LYRM7: variants seen among roughly 807,000 people sequenced by gnomAD.
The protein encoded by LYRM7 is complex III assembly factor LYRM7.
In LYRM7, 9 loss-of-function variants were observed where a neutral mutation model predicts 15.8. The ratio of observed to expected loss-of-function variants is 0.57; its 90% CI spans 0.34 to 0.99. The LOEUF (loss-of-function observed/expected upper bound fraction) is 0.99. Ranked by LOEUF, LYRM7 falls within the 50% of genes least tolerant of loss-of-function variation. The probability of loss-of-function intolerance (pLI) is 0.02; values close to 1 mark genes in which losing one functional copy is unlikely to be tolerated. For synonymous variants in LYRM7, 39 were observed against 39.4 expected (o/e 0.99, Z 0.04); for missense variants, 115 against 119.1 (o/e 0.97, Z 0.16).
In LYRM7 at chr5:131,171,082, G is replaced by A. The variant is rs530122051; in HGVS notation, c.18+44G>A. ...GGGTGGGTACGATGCCGTCGGGGAG[G>A]GTATGTTCGCGTCCTTGAGAAAACT... On this transcript the variant is annotated intron_variant, in intron 1 of 4. Coordinates refer to ENST00000379380, the MANE Select transcript of LYRM7 (RefSeq NM_181705.4). 3.2e-5 allele frequency: 48 copies of A among 1,493,036 alleles called. No homozygotes were observed. In the South Asian group the frequency reaches 6.1e-4, roughly 19 times the overall value. 92.5% of individuals were successfully genotyped at this position (1,493,036 alleles called of 1,614,324 possible).
In LYRM7 at chr5:131,204,332, T is replaced by C. The variant is rs950090759; in HGVS notation, c.*4731T>C. The C allele has an allele frequency of 6.6e-6, 1 of 152,142 alleles. No individual in the cohort carries two copies. The highest frequency in any genetic ancestry group is 2.4e-5 in the African/African-American group (1 of 41,438). 9.4% of individuals were successfully genotyped at this position (152,142 alleles called of 1,614,324 possible). A position where few individuals can be genotyped will look rare whatever the true frequency, so the allele number is the denominator to read the frequency against. Reference sequence around the variant, plus strand: ...ACTAATAAATGTGTACTCAGGTATATGTACAGAAATTGCTGTAACATTATA... The same window carrying C: ...ACTAATAAATGTGTACTCAGGTATACGTACAGAAATTGCTGTAACATTATA... On this transcript the variant is annotated 3_prime_UTR_variant, in exon 5 of 5. Coordinates refer to ENST00000379380, the MANE Select transcript of LYRM7 (RefSeq NM_181705.4).
intron 2 of LYRM7, among the ~76,000 whole-genome samples, chr5:131,181,355 ATATATT>A (rs1284451014): frequency 0.088 from 3,961 of 45,222 alleles, 556 homozygotes; most frequent in African/African-American, 0.31. Context: ...TATGTTATAT[ATATATT>A]AACATATATA....
At chr5:131,175,405 G>A (rs1192110548) in intron 1 of LYRM7, among the ~76,000 whole-genome samples, 2 of 151,770 alleles carry the variant, frequency 1.3e-5, no homozygotes, top group South Asian at 4.2e-4. Flanking sequence ...CTCCATGTTG[G>A]TCAGGCTGGT....
chr5:131,200,172 CA>C lies in LYRM7; in HGVS notation c.*572del, dbSNP rs1756037764. On this transcript the variant is annotated 3_prime_UTR_variant, in exon 5 of 5. Transcript: ENST00000379380. ...GAGTATCTCTGTGTTCTTATGAAGA[CA>C]TTTTTTATCAGTTTTCTGAAAATAG... The C allele has an allele frequency of 6.6e-6, 1 of 152,214 alleles. No individual in the cohort carries two copies. Among genetic ancestry groups the C allele is most frequent in the Non-Finnish European group, 1.5e-5 (1 of 67,984 alleles). 9.4% of individuals were successfully genotyped at this position (152,214 alleles called of 1,614,324 possible).
intron 1 of LYRM7, 24 bp from the exon 2 acceptor site, chr5:131,180,071 C>G (rs765193654): frequency 6.4e-7 from 1 of 1,567,302 alleles, no homozygotes; most frequent in South Asian, 1.1e-5. Context: ...TGTGCCCAAC[C>G]TTGAATTCTG....
At chr5:131,181,528 G>T (rs2149661635) in intron 2 of LYRM7, among the ~76,000 whole-genome samples, 1 of 141,402 alleles carries the variant, frequency 7.1e-6, no homozygotes, top group South Asian at 2.1e-4. Context: ...AGTTTTTATG[G>T]TAATTATCAA....
chr5:131,199,535 G>A lies in LYRM7; in HGVS notation c.249G>A (p.Leu83=). 1 of 1,585,054 alleles carries A rather than the reference G, an allele frequency of 6.3e-7. No homozygotes were observed. The highest frequency in any genetic ancestry group is 2.3e-5 in the East Asian group (1 of 44,032). Residue 83 remains leucine (L), a synonymous_variant, in exon 5 of 5, where the codon CTG becomes CTA. Coordinates refer to ENST00000379380, the MANE Select transcript of LYRM7 (RefSeq NM_181705.4). ...GIHTDHNTLK[L]VPRKDLLVEN... Reference sequence around the variant, plus strand: ...TCTTTTTTTTTTTTCTTTCAGAACTGGTCCCTAGGAAAGACCTTCTTGTAG... The same window carrying A: ...TCTTTTTTTTTTTTCTTTCAGAACTAGTCCCTAGGAAAGACCTTCTTGTAG...
intron 1 of LYRM7, among the ~76,000 whole-genome samples, chr5:131,173,572 C>T (rs776779389): frequency 6.6e-6 from 1 of 152,058 alleles, no homozygotes; most frequent in Non-Finnish European, 1.5e-5. Flanking sequence ...AGTGAAACCC[C>T]GTCTCTACTA....
Position 131,205,293 on chromosome 5 carries a change from C to T in LYRM7, c.*5692C>T, listed in dbSNP as rs982998563. On this transcript the variant is annotated 3_prime_UTR_variant, in exon 5 of 5. Coordinates refer to ENST00000379380, the MANE Select transcript of LYRM7 (RefSeq NM_181705.4). ...GTGATTTTAAAATGTAAATGAATGG[C>T]GTTATGCTCCATGTATTCTGCAACT... 3 of 152,104 alleles carry T rather than the reference C, an allele frequency of 2.0e-5. No homozygotes were observed. The highest frequency in any genetic ancestry group is 6.6e-5 in the Admixed American group (1 of 15,252). 9.4% of individuals were successfully genotyped at this position (152,104 alleles called of 1,614,324 possible).
At chr5:131,197,367 G>A (rs1755982334) in intron 4 of LYRM7, among the ~76,000 whole-genome samples, 1 of 152,130 alleles carries the variant, frequency 6.6e-6, no homozygotes, top group African/African-American at 2.4e-5. Context: ...GTAAAAGCAA[G>A]TGAGATATAA....
intron 1 of LYRM7, among the ~76,000 whole-genome samples, chr5:131,177,174 G>C (rs144249185): frequency 1.3e-3 from 200 of 151,836 alleles, no homozygotes; most frequent in African/African-American, 4.7e-3. Context: ...CAAATTCTAG[G>C]CAAAACCAGT....
chr5:131,188,322 A>T (rs1755830352), intron 4 of LYRM7, among the ~76,000 whole-genome samples: 1 of 152,138 alleles, frequency 6.6e-6, no homozygotes, highest in African/African-American at 2.4e-5. Flanking sequence ...ATACAAACAA[A>T]AAAGTACTCA....
intron 4 of LYRM7, among the ~76,000 whole-genome samples, chr5:131,188,248 C>G (rs1755828712): frequency 6.6e-6 from 1 of 151,788 alleles, no homozygotes; most frequent in Admixed American, 6.6e-5. Flanking sequence ...CAGAGTAAGA[C>G]CCTGCCTCAA....
chr5:131,179,903 T>A (rs1755663638), intron 1 of LYRM7, among the ~76,000 whole-genome samples, 192 bp from the exon 2 acceptor site: 2 of 151,992 alleles, frequency 1.3e-5, no homozygotes, highest in African/African-American at 2.4e-5. Context: ...ACCACTGCAC[T>A]CCAGCCTGGG....
intron 4 of LYRM7, among the ~76,000 whole-genome samples, chr5:131,197,611 T>C (rs1338117752): frequency 6.7e-6 from 1 of 149,672 alleles, no homozygotes; most frequent in Non-Finnish European, 1.5e-5. Context: ...GCATAATTAT[T>C]GCTCACTGTA....
At chr5:131,191,321 A>C (rs985029121) in intron 4 of LYRM7, among the ~76,000 whole-genome samples, 2 of 152,162 alleles carry the variant, frequency 1.3e-5, no homozygotes, top group African/African-American at 4.8e-5. Flanking sequence ...AATGACAAGA[A>C]TAAAAATTCT....
At chr5:131,181,302 A>AAAAT (rs1554089865) in intron 2 of LYRM7, among the ~76,000 whole-genome samples, 1 of 8,768 alleles carries the variant, frequency 1.1e-4, no homozygotes, top group African/African-American at 2.2e-4. Context: ...AAAAAAAAAA[A>AAAAT]ATATATATAT....
chr5:131,181,302 A>AAAAAAATATATATATAT (rs1554089865), intron 2 of LYRM7, among the ~76,000 whole-genome samples: 2 of 8,772 alleles, frequency 2.3e-4, no homozygotes, highest in East Asian at 3.3e-3. Context: ...AAAAAAAAAA[A>AAAAAAATATATATATAT]ATATATATAT....
intron 3 of LYRM7, among the ~76,000 whole-genome samples, chr5:131,183,877 A>G (rs952324663): frequency 6.6e-6 from 1 of 152,230 alleles, no homozygotes; most frequent in African/African-American, 2.4e-5. Flanking sequence ...TAACAATTTT[A>G]TTATATGTTA....
Sources: allele counts gnomAD v4.1 joint callset (sites outside exome capture counted in the v4.1 genomes callset), GRCh38; gene constraint gnomAD v4.1.1; transcripts MANE v1.5; gene names NCBI Gene and HGNC (gene_info 2026-07-23, HGNC 2026-07-21).